The following AP1S3 variants were observed in gnomAD, a reference collection of about 807,000 sequenced individuals.
AP1S3 encodes the protein adaptor related protein complex 1 subunit sigma 3, also known as AP-1 complex subunit sigma-3.
In AP1S3, 10 loss-of-function variants were observed where a neutral mutation model predicts 20.9. The ratio of observed to expected loss-of-function variants is 0.48; its 90% CI spans 0.29 to 0.81. The LOEUF is 0.81. AP1S3 is among the 30% of genes least tolerant of loss of function. The pLI, the probability that AP1S3 is intolerant of heterozygous loss-of-function variation, is 0.08. For missense variants in AP1S3, 154 were observed against 183.8 expected, an observed-to-expected ratio of 0.84 and a Z score of 0.94; for synonymous variants, 41 against 61.5, an observed-to-expected ratio of 0.67 and a Z score of 1.56.
chr2:223,780,328 G>T (rs1209365270), intron 1 of AP1S3, among the ~76,000 whole-genome samples: 77 of 113,538 alleles, frequency 6.8e-4, no homozygotes, highest in African/African-American at 1.0e-3. Flanking sequence ...GAGAGAGAGA[G>T]AGAGAGAGAG....
intron 3 of AP1S3, among the ~76,000 whole-genome samples, chr2:223,768,868 A>G (rs1690544257): frequency 6.6e-6 from 1 of 152,174 alleles, no homozygotes; most frequent in Non-Finnish European, 1.5e-5. Context: ...AAATAAAAAT[A>G]AATAAATATA....
At chr2:223,775,857 G>GA in intron 3 of AP1S3, 44 bp downstream of exon 3, 1 of 1,433,044 alleles carries the variant, frequency 7.0e-7, no homozygotes, top group Non-Finnish European at 9.8e-7. Flanking sequence ...TAAGAGCTGA[G>GA]ATGGGGACTG....
chr2:223,835,390 C>T (rs1692372576), intron 1 of AP1S3, among the ~76,000 whole-genome samples: 1 of 152,204 alleles, frequency 6.6e-6, no homozygotes, highest in South Asian at 2.1e-4. Context: ...GGTGCGGTGG[C>T]TCATGCCTGT....
intron 1 of AP1S3, among the ~76,000 whole-genome samples, chr2:223,832,152 T>C (rs973030288): frequency 2.7e-5 from 4 of 146,764 alleles, no homozygotes; most frequent in Admixed American, 6.8e-5. Context: ...TGTGTGTGTG[T>C]GTGTGTGTGT....
chr2:223,785,641 C>T (rs1037193871), intron 1 of AP1S3, among the ~76,000 whole-genome samples: 8 of 152,168 alleles, frequency 5.3e-5, no homozygotes, highest in African/African-American at 1.9e-4. Context: ...TGCCAAAGTT[C>T]TTTCAACAAA....
At chr2:223,762,508 A>G (rs1274401813) in intron 4 of AP1S3, among the ~76,000 whole-genome samples, 1 of 152,086 alleles carries the variant, frequency 6.6e-6, no homozygotes, top group Non-Finnish European at 1.5e-5. Context: ...CGTGGCCTCA[A>G]GTGATCCGCC....
chr2:223,826,670 T>A (rs1024171569), intron 1 of AP1S3, among the ~76,000 whole-genome samples: 1 of 152,138 alleles, frequency 6.6e-6, no homozygotes, highest in Admixed American at 6.6e-5. Context: ...TTTTGTTTTT[T>A]TAAGACAGGG....
chr2:223,761,496 C>T (rs1224911186), intron 4 of AP1S3, among the ~76,000 whole-genome samples: 1 of 152,088 alleles, frequency 6.6e-6, no homozygotes, highest in Non-Finnish European at 1.5e-5. Flanking sequence ...GCGATTACCG[C>T]TCACTGCAGC....
chr2:223,820,665 G>C lies in AP1S3; in HGVS notation c.3+16783C>G, dbSNP rs533635270. On this transcript the variant is annotated intron_variant, in intron 1 of 4. Coordinates refer to ENST00000396654, the MANE Select transcript of AP1S3 (RefSeq NM_001039569.2). ...ATGATGATTCAGTGATTCCAAACTA[G>C]GAGAAAAAAAAAAAAAAAACAAGCC... Among the ~76,000 whole-genome samples the C allele has an allele frequency of 3.6e-5, 4 of 111,506 alleles. No individual in the cohort carries two copies. The East Asian group carries it at 8.2e-4, about 23-fold the overall frequency. The allele number at this position is 111,506 out of a possible 152,430, so 73.2% of individuals were successfully genotyped here.
intron 1 of AP1S3, among the ~76,000 whole-genome samples, chr2:223,810,247 C>T (rs1574719131): frequency 6.6e-6 from 1 of 152,210 alleles, no homozygotes; most frequent in East Asian, 1.9e-4. Context: ...GACTAAGTGG[C>T]TTAATATATG....
At chr2:223,791,012 T>C (rs1212841265) in intron 1 of AP1S3, among the ~76,000 whole-genome samples, 1 of 152,162 alleles carries the variant, frequency 6.6e-6, no homozygotes. Context: ...CAATAACTTG[T>C]TGTGAAGTTG....
At chr2:223,800,497 T>C (rs1691442966) in intron 1 of AP1S3, among the ~76,000 whole-genome samples, 1 of 151,956 alleles carries the variant, frequency 6.6e-6, no homozygotes, top group African/African-American at 2.4e-5. Context: ...GCCACTGCAC[T>C]TCAGTCTGGT....
At chr2:223,827,557 T>A (rs1692161940) in intron 1 of AP1S3, among the ~76,000 whole-genome samples, 1 of 151,996 alleles carries the variant, frequency 6.6e-6, no homozygotes, top group Non-Finnish European at 1.5e-5. Flanking sequence ...TACATTTTTT[T>A]TTATTTTCAG....
At chr2:223,795,836 G>A (rs182674728) in intron 1 of AP1S3, among the ~76,000 whole-genome samples, 3 of 152,186 alleles carry the variant, frequency 2.0e-5, no homozygotes, top group Admixed American at 2.0e-4. Flanking sequence ...ATAGTGTAGA[G>A]TCCAGCAAAG....
intron 3 of AP1S3, among the ~76,000 whole-genome samples, chr2:223,775,262 C>CA (rs1336613639): frequency 1.3e-5 from 2 of 152,168 alleles, no homozygotes; most frequent in African/African-American, 4.8e-5. Flanking sequence ...CATAGTACAT[C>CA]ACTTGGCAGA....
At chr2:223,762,159 G>A (rs1321132160) in intron 4 of AP1S3, among the ~76,000 whole-genome samples, 1 of 151,582 alleles carries the variant, frequency 6.6e-6, no homozygotes, top group African/African-American at 2.4e-5. Flanking sequence ...TTTTAGTAGA[G>A]ACGGAGTTTC....
chr2:223,811,940 TA>T (rs1691740383), intron 1 of AP1S3, among the ~76,000 whole-genome samples: 1 of 152,234 alleles, frequency 6.6e-6, no homozygotes. Context: ...CATGTTTATG[TA>T]AGTTGACCAG....
chr2:223,784,483 C>G (rs1363634224), intron 1 of AP1S3, among the ~76,000 whole-genome samples: 1 of 152,146 alleles, frequency 6.6e-6, no homozygotes, highest in Non-Finnish European at 1.5e-5. Flanking sequence ...TCAACCCTCA[C>G]CTACCTCTTT....
At chr2:223,800,201 C>T (rs1457230308) in intron 1 of AP1S3, among the ~76,000 whole-genome samples, 21 of 143,874 alleles carry the variant, frequency 1.5e-4, no homozygotes, top group South Asian at 2.2e-4. Context: ...GGCAACAAAG[C>T]GAGATTGCGT....
Sources: gnomAD v4.1 joint callset for allele counts (sites outside exome capture counted in the v4.1 genomes callset) on GRCh38, gnomAD v4.1.1 for gene constraint, MANE v1.5 for transcripts, NCBI Gene and HGNC (gene_info 2026-07-23, HGNC 2026-07-21) for gene names.